The following ICA1 variants were observed in gnomAD, a reference collection of about 807,000 sequenced individuals.
ICA1 encodes the protein islet cell autoantigen 1.
A neutral mutation model predicts 71.0 loss-of-function variants in ICA1; 40 were observed. That is an observed-to-expected ratio of 0.56 (90% CI 0.44 to 0.73). The LOEUF is 0.73. Ranked by LOEUF, ICA1 falls within the 30% of genes least tolerant of loss-of-function variation. The probability of loss-of-function intolerance (pLI) is 0.00; values close to 1 mark genes in which losing one functional copy is unlikely to be tolerated. For synonymous variants in ICA1, 207 were observed against 209.5 expected (o/e 0.99, Z 0.10); for missense variants, 578 against 576.5 (o/e 1.00, Z -0.03).
At chr7:8,247,161 AC>A (rs1352096581) in intron 1 of ICA1, among the ~76,000 whole-genome samples, 3 of 151,900 alleles carry the variant, frequency 2.0e-5, no homozygotes, top group Non-Finnish European at 4.4e-5. Flanking sequence ...CCATTTAAAA[AC>A]CATTTTAGGC....
chr7:8,204,686 T>C (rs1790889640), intron 6 of ICA1, among the ~76,000 whole-genome samples: 2 of 152,222 alleles, frequency 1.3e-5, no homozygotes, highest in South Asian at 4.1e-4. Flanking sequence ...AAAGATATTT[T>C]TAAACAAAAA....
Position 8,194,277 on chromosome 7 carries a change from G to A in ICA1, c.579+24028C>T, listed in dbSNP as rs536015180. Among the ~76,000 whole-genome samples, 6 of 152,234 alleles carry A rather than the reference G, an allele frequency of 3.9e-5. No homozygotes were observed. In the South Asian group the frequency reaches 6.2e-4, roughly 16 times the overall value. On this transcript the variant is annotated intron_variant, in intron 6 of 13. Transcript: ENST00000402384. ...TCAGAATCTTTGGGGCGGTGGGGTT[G>A]GAGAGACCAAATGTAATAAATGTTA... is the stretch of plus-strand genomic sequence containing the variant.
intron 6 of ICA1, among the ~76,000 whole-genome samples, chr7:8,202,592 T>C (rs955453109): frequency 6.6e-6 from 1 of 152,210 alleles, no homozygotes; most frequent in Admixed American, 6.5e-5. Context: ...TTTCAGAACC[T>C]CTAGTGCATT....
At chr7:8,233,361 G>C (rs960097389) in intron 2 of ICA1, among the ~76,000 whole-genome samples, 4 of 151,938 alleles carry the variant, frequency 2.6e-5, no homozygotes, top group African/African-American at 9.7e-5. Flanking sequence ...AAGCTCTAGA[G>C]ATCTGCTGTG....
At chr7:8,179,203 C>T (rs554334005) in intron 6 of ICA1, among the ~76,000 whole-genome samples, 13 of 152,308 alleles carry the variant, frequency 8.5e-5, no homozygotes, top group East Asian at 1.9e-4. Context: ...CCAACCTGGA[C>T]GCCTGGCTGG....
intron 6 of ICA1, among the ~76,000 whole-genome samples, chr7:8,174,054 G>A (rs1433917081): frequency 1.3e-5 from 2 of 152,118 alleles, no homozygotes; most frequent in Non-Finnish European, 2.9e-5. Context: ...CTGAGAAGGT[G>A]ATATTGGAGC....
chr7:8,218,607 G>C lies in ICA1; in HGVS notation c.381-104C>G. 8.4e-6 allele frequency: 7 copies of C among 828,494 alleles called. No individual in the cohort carries two copies. In the South Asian group the frequency reaches 1.1e-4, roughly 13 times the overall value. 51.3% of individuals were successfully genotyped at this position (828,494 alleles called of 1,614,324 possible). A position where few individuals can be genotyped will look rare whatever the true frequency, so the allele number is the denominator to read the frequency against. ...ACTCGTGAGTCTAGAACAGTACCTGGAATGTAGAAGATGCTCCATCAATAT... is the reference window on the plus strand; with the variant it reads ...ACTCGTGAGTCTAGAACAGTACCTGCAATGTAGAAGATGCTCCATCAATAT... On this transcript the variant is annotated intron_variant, in intron 5 of 13. Transcript: ENST00000402384.
Position 8,185,360 on chromosome 7 carries a change from G to A in ICA1, c.580-26708C>T, listed in dbSNP as rs147707143. Among the ~76,000 whole-genome samples, 816 of 152,186 alleles carry A rather than the reference G, an allele frequency of 5.4e-3. 4 individuals carry two copies. The highest frequency in any genetic ancestry group is 0.018 in the African/African-American group (760 of 41,516). On this transcript the variant is annotated intron_variant, in intron 6 of 13. Transcript: ENST00000402384. The stretch of plus-strand genomic sequence containing the variant: ...TCCAACCATCCATTCACCCATCCAT[G>A]CATCTGGCCATCCACATCCATCCAT...
At chr7:8,242,007 C>T (rs200824261) in intron 1 of ICA1, among the ~76,000 whole-genome samples, 7 of 152,118 alleles carry the variant, frequency 4.6e-5, no homozygotes, top group East Asian at 1.9e-4. Flanking sequence ...CACAGATCAA[C>T]GAGACAGAAG....
intron 1 of ICA1, among the ~76,000 whole-genome samples, chr7:8,251,076 T>C (rs1358045597): frequency 6.6e-6 from 1 of 152,052 alleles, no homozygotes; most frequent in African/African-American, 2.4e-5. Context: ...AATTTTTTTA[T>C]TTTTAGTAAA....
At chr7:8,162,562 T>C (rs1024526803) in intron 6 of ICA1, among the ~76,000 whole-genome samples, 1 of 152,232 alleles carries the variant, frequency 6.6e-6, no homozygotes, top group Non-Finnish European at 1.5e-5. Context: ...TGCCTCCAGA[T>C]GCACTTAAGT....
intron 9 of ICA1, among the ~76,000 whole-genome samples, chr7:8,143,263 A>T (rs146894400): frequency 2.0e-5 from 3 of 152,314 alleles, no homozygotes; most frequent in Non-Finnish European, 4.4e-5. Flanking sequence ...TCATCTCAGT[A>T]TTTAAAATGA....
chr7:8,252,302 G>A (rs569785823), intron 1 of ICA1, among the ~76,000 whole-genome samples: 16 of 152,262 alleles, frequency 1.1e-4, no homozygotes, highest in African/African-American at 3.9e-4. Flanking sequence ...GTTCTGTGAA[G>A]GAATACTACG....
At chr7:8,251,642 G>A (rs1224120958) in intron 1 of ICA1, among the ~76,000 whole-genome samples, 1 of 151,704 alleles carries the variant, frequency 6.6e-6, no homozygotes, top group Non-Finnish European at 1.5e-5. Flanking sequence ...GAGGAATGCT[G>A]GGAATGAAAC....
chr7:8,175,531 T>G (rs1780338339), intron 6 of ICA1, among the ~76,000 whole-genome samples: 1 of 152,106 alleles, frequency 6.6e-6, no homozygotes, highest in East Asian at 1.9e-4. Flanking sequence ...GTTTTTTTCT[T>G]TATATCCACC....
intron 1 of ICA1, among the ~76,000 whole-genome samples, chr7:8,253,250 AC>A (rs1808826089): frequency 6.6e-6 from 1 of 152,214 alleles, no homozygotes; most frequent in Non-Finnish European, 1.5e-5. Flanking sequence ...AGATGTCATT[AC>A]AAAAATAAAA....
chr7:8,201,314 T>C (rs1185055345), intron 6 of ICA1, among the ~76,000 whole-genome samples: 1 of 152,238 alleles, frequency 6.6e-6, no homozygotes, highest in Non-Finnish European at 1.5e-5. Flanking sequence ...AAAGTGTTTA[T>C]CTTCCACTTT....
intron 6 of ICA1, among the ~76,000 whole-genome samples, chr7:8,175,586 A>G (rs533486349): frequency 3.3e-5 from 5 of 152,354 alleles, no homozygotes; most frequent in African/African-American, 1.2e-4. Flanking sequence ...ACTGATTTAT[A>G]AAAACATGGC....
intron 2 of ICA1, among the ~76,000 whole-genome samples, chr7:8,233,394 ATTT>A (rs35599635): frequency 3.6e-3 from 517 of 142,740 alleles, no homozygotes; most frequent in African/African-American, 9.9e-3. Context: ...TATTCTTGGT[ATTT>A]TTTTTTTTTT....
Sources: allele counts gnomAD v4.1 joint callset (sites outside exome capture counted in the v4.1 genomes callset), GRCh38; gene constraint gnomAD v4.1.1; transcripts MANE v1.5; gene names NCBI Gene and HGNC (gene_info 2026-07-23, HGNC 2026-07-21).